Variants in FRAS1 observed in about 807,000 individuals in gnomAD.
The protein encoded by FRAS1 is extracellular matrix organizing protein FRAS1.
A neutral mutation model predicts 435.2 loss-of-function variants in FRAS1; 290 were observed. The observed-to-expected ratio is 0.67, with a 90% CI of 0.61 to 0.73. FRAS1 has a LOEUF of 0.73. FRAS1 is among the 30% of genes least tolerant of loss of function. The pLI is 0.00. For missense variants in FRAS1, 4,860 were observed against 5,001.5 expected (o/e 0.97, Z 0.85); for synonymous variants, 1,800 against 1,851.0 (o/e 0.97, Z 0.71).
Position 78,295,830 on chromosome 4 carries a change from C to T in FRAS1, c.1534+9291C>T, listed in dbSNP as rs890633987. Among the ~76,000 whole-genome samples, 7 of 151,762 alleles carry T rather than the reference C, an allele frequency of 4.6e-5. No homozygotes were observed. In the South Asian group the frequency reaches 6.2e-4, roughly 14 times the overall value. ...CGCAATCTTGGCTCACTGTAACCTC[C>T]GCCTGCCCAGGTTCGAACGATTCTC... On this transcript the variant is annotated intron_variant, in intron 14 of 73. Transcript: ENST00000512123.
intron 18 of FRAS1, among the ~76,000 whole-genome samples, chr4:78,328,122 T>G (rs1462503508): frequency 6.6e-6 from 1 of 152,222 alleles, no homozygotes; most frequent in African/African-American, 2.4e-5. Context: ...CTGGACTTCT[T>G]GGCCCACAAG....
chr4:78,290,172 G>T (rs974810327), intron 14 of FRAS1, among the ~76,000 whole-genome samples: 1 of 152,276 alleles, frequency 6.6e-6, no homozygotes, highest in Admixed American at 6.5e-5. Flanking sequence ...TAATTTTAAC[G>T]TAAGGTTAAA....
intron 62 of FRAS1, among the ~76,000 whole-genome samples, chr4:78,508,453 A>G (rs941636538): frequency 6.6e-6 from 1 of 152,224 alleles, no homozygotes; most frequent in Non-Finnish European, 1.5e-5. Flanking sequence ...CAGGAAAATC[A>G]GAGTATTTTT....
intron 2 of FRAS1, among the ~76,000 whole-genome samples, chr4:78,141,301 C>G (rs1720172378): frequency 6.6e-6 from 1 of 152,202 alleles, no homozygotes; most frequent in East Asian, 1.9e-4. Context: ...CACAAACTAT[C>G]CTTGTCACCT....
At chr4:78,428,009 C>T (rs934446771) in intron 35 of FRAS1, among the ~76,000 whole-genome samples, 1 of 152,122 alleles carries the variant, frequency 6.6e-6, no homozygotes, top group Non-Finnish European at 1.5e-5. Flanking sequence ...TCTTAAAGAC[C>T]ACTACAGATA....
At chr4:78,513,053 C>A (rs577445041) in intron 64 of FRAS1, among the ~76,000 whole-genome samples, 2 of 152,264 alleles carry the variant, frequency 1.3e-5, no homozygotes, top group South Asian at 4.1e-4. Flanking sequence ...TCTAGTCACT[C>A]AGCTTTAGCT....
At chr4:78,272,892 A>G (rs1726785075) in intron 9 of FRAS1, among the ~76,000 whole-genome samples, 1 of 152,158 alleles carries the variant, frequency 6.6e-6, no homozygotes, top group African/African-American at 2.4e-5. Flanking sequence ...GAATCTATAA[A>G]TTACCTTGGG....
intron 2 of FRAS1, among the ~76,000 whole-genome samples, chr4:78,116,431 G>C (rs530342348): frequency 6.6e-6 from 1 of 152,282 alleles, no homozygotes; most frequent in Non-Finnish European, 1.5e-5. Flanking sequence ...ACAGTGGGGT[G>C]TTAAAGTTTC....
intron 18 of FRAS1, among the ~76,000 whole-genome samples, chr4:78,332,064 C>T (rs553981852): frequency 2.1e-4 from 32 of 152,188 alleles, no homozygotes; most frequent in Non-Finnish European, 3.2e-4. Context: ...GGTAAGCAGG[C>T]TTAGGATTGG....
Position 78,157,214 on chromosome 4 carries a change from C to T in FRAS1, c.109-80296C>T, listed in dbSNP as rs1346745257. Among the ~76,000 whole-genome samples, 20 of 152,230 alleles carry T rather than the reference C, an allele frequency of 1.3e-4. No individual in the cohort carries two copies. The East Asian group carries it at 3.7e-3, about 28-fold the overall frequency. On this transcript the variant is annotated intron_variant, in intron 2 of 73. Coordinates refer to ENST00000512123, the MANE Select transcript of FRAS1 (RefSeq NM_025074.7). Reference sequence around the variant, plus strand: ...TATACATATATCACATTTTCTTTACCCAGTTCACCATTGATGGGCACCTGG... The same window carrying T: ...TATACATATATCACATTTTCTTTACTCAGTTCACCATTGATGGGCACCTGG...
At chr4:78,413,928 C>T (rs912271342) in intron 32 of FRAS1, among the ~76,000 whole-genome samples, 1 of 152,128 alleles carries the variant, frequency 6.6e-6, no homozygotes, top group Admixed American at 6.6e-5. Flanking sequence ...ACCCCTCTTC[C>T]AGACAGAGCC....
At chr4:78,066,634 GA>G (rs1740051901) in intron 2 of FRAS1, among the ~76,000 whole-genome samples, 1 of 152,076 alleles carries the variant, frequency 6.6e-6, no homozygotes. Flanking sequence ...AAGCCTTATT[GA>G]AAAGACTGTC....
chr4:78,223,516 T>C (rs1263574494), intron 2 of FRAS1, among the ~76,000 whole-genome samples: 6 of 152,348 alleles, frequency 3.9e-5, no homozygotes, highest in Non-Finnish European at 7.4e-5. Context: ...CTTTCTTTTC[T>C]TTCTACTTTA....
At chr4:78,230,859 C>A in intron 2 of FRAS1, among the ~76,000 whole-genome samples, 1 of 152,228 alleles carries the variant, frequency 6.6e-6, no homozygotes, top group East Asian at 1.9e-4. Flanking sequence ...TTCCCTCCCC[C>A]ATGACATTTC....
chr4:78,389,235 T>C (rs1732350211), intron 29 of FRAS1, among the ~76,000 whole-genome samples: 1 of 152,212 alleles, frequency 6.6e-6, no homozygotes, highest in South Asian at 2.1e-4. Flanking sequence ...TGGTAGTAGA[T>C]TGGGAAACAT....
At chr4:78,531,383 A>G (rs1423411739) in intron 70 of FRAS1, among the ~76,000 whole-genome samples, 1 of 152,166 alleles carries the variant, frequency 6.6e-6, no homozygotes, top group African/African-American at 2.4e-5. Flanking sequence ...TACGTTGAAT[A>G]GGAGTGGTGA....
intron 70 of FRAS1, among the ~76,000 whole-genome samples, chr4:78,533,573 A>G (rs1721789733): frequency 6.6e-6 from 1 of 152,250 alleles, no homozygotes; most frequent in South Asian, 2.1e-4. Flanking sequence ...TTTGAAAATG[A>G]CACTGGCTCA....
chr4:78,165,858 A>C (rs1028142667), intron 2 of FRAS1, among the ~76,000 whole-genome samples: 2 of 152,178 alleles, frequency 1.3e-5, no homozygotes, highest in Non-Finnish European at 2.9e-5. Context: ...GTATCCCCAA[A>C]GAGTGAGCAG....
intron 26 of FRAS1, among the ~76,000 whole-genome samples, chr4:78,376,117 A>G (rs957806793): frequency 1.3e-5 from 2 of 152,244 alleles, no homozygotes; most frequent in Non-Finnish European, 2.9e-5. Context: ...AGTCACAGCT[A>G]TCAGATAAGA....
Sources: gnomAD v4.1 joint callset for allele counts (sites outside exome capture counted in the v4.1 genomes callset) on GRCh38, gnomAD v4.1.1 for gene constraint, MANE v1.5 for transcripts, NCBI Gene and HGNC (gene_info 2026-07-23, HGNC 2026-07-21) for gene names.